SLC16A1: variants seen among roughly 807,000 people sequenced by gnomAD.
SLC16A1 encodes solute carrier family 16 member 1.
A neutral mutation model predicts 32.2 loss-of-function variants in SLC16A1; 11 were observed. The observed-to-expected ratio is 0.34, with a 90% confidence interval of 0.21 to 0.56. The LOEUF is 0.56. SLC16A1 is among the 20% of genes least tolerant of loss of function. SLC16A1 has a pLI of 0.87. For missense variants in SLC16A1, 435 were observed against 615.0 expected (o/e 0.71, Z 3.10); for synonymous variants, 231 against 226.8 (o/e 1.02, Z -0.17).
intron 1 of SLC16A1, among the ~76,000 whole-genome samples, chr1:112,941,933 T>C (rs1197238390): frequency 6.6e-6 from 1 of 152,126 alleles, no homozygotes; most frequent in Non-Finnish European, 1.5e-5. Flanking sequence ...ATTTCCAGCC[T>C]TTCTGACACC....
At chr1:112,929,732 A>C (rs1292329354) in intron 1 of SLC16A1, among the ~76,000 whole-genome samples, 1 of 152,146 alleles carries the variant, frequency 6.6e-6, no homozygotes, top group African/African-American at 2.4e-5. Flanking sequence ...CTGTGGTCCC[A>C]GTTACTTGGG....
intron 1 of SLC16A1, among the ~76,000 whole-genome samples, chr1:112,954,600 TAC>T (rs1650012241): frequency 6.6e-6 from 1 of 152,220 alleles, no homozygotes; most frequent in African/African-American, 2.4e-5. Flanking sequence ...TTAAGGACAT[TAC>T]AGTCTATCCC....
In SLC16A1 at chr1:112,917,770, T is replaced by C. The variant is rs1157285576; in HGVS notation, c.636A>G (p.Ala212=). 4 of 1,614,234 alleles carry C rather than the reference T, an allele frequency of 2.5e-6. No homozygotes were observed. Among genetic ancestry groups the C allele is most frequent in the Admixed American group, 1.7e-5 (1 of 60,024 alleles). ...CAGATTTTCCAGCTTTCTCAAGGGA[T>C]GCTTTAGACTTATCTTTCCCTGCCT... ...PTKAGKDKSK[A]SLEKAGKSGV... Residue 212 remains alanine, a synonymous_variant, in exon 4 of 5, where the codon GCA becomes GCG. Transcript: ENST00000369626. The surrounding 1 kb of genome is among the most constrained non-coding windows in gnomAD (Gnocchi z 4.1).
intron 1 of SLC16A1, among the ~76,000 whole-genome samples, chr1:112,953,521 C>T (rs1458070837): frequency 1.3e-5 from 2 of 152,066 alleles, no homozygotes; most frequent in Non-Finnish European, 2.9e-5. Context: ...ATTTTTTTAC[C>T]CTCCTTTATC....
chr1:112,937,191 C>A (rs1385316689), intron 1 of SLC16A1, among the ~76,000 whole-genome samples: 1 of 152,192 alleles, frequency 6.6e-6, no homozygotes, highest in Non-Finnish European at 1.5e-5. Context: ...CTGTTTAACA[C>A]ATCAAGCTCT....
At chr1:112,947,321 A>T (rs1211531120) in intron 1 of SLC16A1, among the ~76,000 whole-genome samples, 2 of 152,242 alleles carry the variant, frequency 1.3e-5, no homozygotes, top group Non-Finnish European at 2.9e-5. Context: ...GTGAGTTGTC[A>T]GGATTATATC....
intron 1 of SLC16A1, among the ~76,000 whole-genome samples, chr1:112,931,184 G>A (rs541320012): frequency 6.6e-6 from 1 of 152,006 alleles, no homozygotes. Context: ...AGATAATTCT[G>A]AACACCGAAA....
At chr1:112,926,395 C>T (rs1648942850) in intron 2 of SLC16A1, among the ~76,000 whole-genome samples, 1 of 151,250 alleles carries the variant, frequency 6.6e-6, no homozygotes, top group South Asian at 2.1e-4. Flanking sequence ...GAGTTCAAGA[C>T]CAACCTGGCC....
At chr1:112,932,193 T>G (rs978195423) in intron 1 of SLC16A1, among the ~76,000 whole-genome samples, 9 of 152,022 alleles carry the variant, frequency 5.9e-5, no homozygotes, top group African/African-American at 1.7e-4. Context: ...TTCTAGCCAG[T>G]GCATGCAGGC....
Position 112,929,274 on chromosome 1 carries a change from G to T in SLC16A1, c.35C>A (p.Thr12Asn), listed in dbSNP as rs1266321772. 2 of 1,614,074 alleles carry T rather than the reference G, an allele frequency of 1.2e-6. No individual in the cohort carries two copies. Among genetic ancestry groups the T allele is most frequent in the African/African-American group, 1.3e-5 (1 of 75,030 alleles). Reference protein sequence around the residue: ...PPAVGGPVGYTPPDGGWGWAV... With the variant: ...PPAVGGPVGYNPPDGGWGWAV... ...CCAGCCCCAGCCTCCATCTGGGGGG[G>T]TGTATCCAACTGGACCTCCAACTGC... is the stretch of plus-strand genomic sequence containing the variant. Residue 12 changes from threonine (T) to asparagine (N), a missense_variant, in exon 2 of 5, where the codon ACC becomes AAC. Thr to Asn is a moderately conservative substitution (Grantham distance 65, BLOSUM62 0). Transcript: ENST00000369626.
At chr1:112,942,846 AG>A (rs1649555863) in intron 1 of SLC16A1, among the ~76,000 whole-genome samples, 1 of 152,242 alleles carries the variant, frequency 6.6e-6, no homozygotes, top group Non-Finnish European at 1.5e-5. Flanking sequence ...TTTAGATATG[AG>A]GAGGATTAAA....
chr1:112,924,867 G>A (rs1648881834), intron 2 of SLC16A1, among the ~76,000 whole-genome samples: 2 of 151,918 alleles, frequency 1.3e-5, no homozygotes, highest in Non-Finnish European at 2.9e-5. Context: ...GTGAGGTTCT[G>A]TCTCAAAAAA....
At chr1:112,915,833 C>T (rs1648484752) in intron 4 of SLC16A1, among the ~76,000 whole-genome samples, 2 of 152,140 alleles carry the variant, frequency 1.3e-5, no homozygotes, top group African/African-American at 4.8e-5. Flanking sequence ...TCACTCACTC[C>T]CCAAATCAAA....
intron 1 of SLC16A1, among the ~76,000 whole-genome samples, chr1:112,944,383 T>G (rs891049122): frequency 6.6e-6 from 1 of 152,106 alleles, no homozygotes; most frequent in Non-Finnish European, 1.5e-5. Flanking sequence ...AGGTGGAAAT[T>G]GCATGAGCCA....
chr1:112,944,994 CTTTT>C (rs151186476), intron 1 of SLC16A1, among the ~76,000 whole-genome samples: 6 of 123,294 alleles, frequency 4.9e-5, no homozygotes, highest in Non-Finnish European at 3.3e-5. Context: ...CACCCAGCCT[CTTTT>C]TTTTTTTTTT....
At chr1:112,931,273 C>T (rs890725942) in intron 1 of SLC16A1, among the ~76,000 whole-genome samples, 2 of 151,836 alleles carry the variant, frequency 1.3e-5, no homozygotes, top group South Asian at 2.1e-4. Context: ...GGTATTTTTC[C>T]GCATTATATG....
At chr1:112,924,061 AG>A (rs1648843735) in intron 2 of SLC16A1, 11 of 1,293,426 alleles carry the variant, frequency 8.5e-6, no homozygotes, top group Non-Finnish European at 1.2e-5. Context: ...CGCTTCTGGA[AG>A]AAGCACCACT....
chr1:112,944,460 C>A (rs1649624069), intron 1 of SLC16A1, among the ~76,000 whole-genome samples: 1 of 151,938 alleles, frequency 6.6e-6, no homozygotes, highest in African/African-American at 2.4e-5. Flanking sequence ...AAAAACAAAG[C>A]CCCACAAAGT....
chr1:112,937,609 G>C (rs1431809351), intron 1 of SLC16A1, among the ~76,000 whole-genome samples: 1 of 151,982 alleles, frequency 6.6e-6, no homozygotes. Flanking sequence ...GCTATAAACA[G>C]AAGGGCTCAT....
Sources: gnomAD v4.1 joint callset for allele counts (sites outside exome capture counted in the v4.1 genomes callset) on GRCh38, gnomAD v4.1.1 for gene constraint, Gnocchi (gnomAD v3.1) non-coding constraint, MANE v1.5 for transcripts, NCBI Gene and HGNC (gene_info 2026-07-23, HGNC 2026-07-21) for gene names.